Variants in PPP2R2C observed in about 807,000 individuals in gnomAD.
PPP2R2C encodes protein phosphatase 2, regulatory subunit B, gamma.
Under a neutral mutation model 45.3 loss-of-function variants are expected in PPP2R2C, and 10 were observed. The observed-to-expected ratio is 0.22, with a 90% confidence interval of 0.14 to 0.37. The LOEUF is 0.37. PPP2R2C is among the 10% of genes least tolerant of loss of function. The pLI, the probability that PPP2R2C is intolerant of heterozygous loss-of-function variation, is 1.00. For synonymous variants in PPP2R2C, 257 were observed against 245.4 expected (o/e 1.05, Z -0.44); for missense variants, 308 against 619.7 (o/e 0.50, Z 5.34).
At chr4:6,354,827 C>T (rs1017813789) in intron 5 of PPP2R2C, among the ~76,000 whole-genome samples, 1 of 152,242 alleles carries the variant, frequency 6.6e-6, no homozygotes, top group Middle Eastern at 3.4e-3. Context: ...CCACAGCCCC[C>T]CACAGCCAGG....
intron 1 of PPP2R2C, among the ~76,000 whole-genome samples, chr4:6,462,699 G>A (rs183072313): frequency 4.7e-4 from 72 of 152,148 alleles, no homozygotes; most frequent in African/African-American, 1.7e-3. Context: ...AAAGAATCAG[G>A]ATATGTTTTG....
intron 1 of PPP2R2C, among the ~76,000 whole-genome samples, chr4:6,395,204 G>T (rs1577143456): frequency 6.6e-6 from 1 of 152,110 alleles, no homozygotes; most frequent in Non-Finnish European, 1.5e-5. Flanking sequence ...GGTCCCATCT[G>T]CCTGGCTCAC....
Position 6,493,360 on chromosome 4 carries a change from G to A in PPP2R2C, c.49+41911C>T, listed in dbSNP as rs1283440851. The stretch of plus-strand genomic sequence containing the variant: ...ATGTCAGCTTCAGGGAGCTGGGGTG[G>A]GGGGCGTGTGGACATGGAGGAGAGT... On this transcript the variant is annotated intron_variant, in intron 2 of 9. Coordinates refer to the PPP2R2C transcript ENST00000506140. 2.0e-5 allele frequency among the ~76,000 whole-genome samples: 3 copies of A among 151,756 alleles called. No individual in the cohort carries two copies. In the East Asian group the frequency reaches 5.8e-4, roughly 29 times the overall value.
chr4:6,434,611 G>A (rs576684231), intron 1 of PPP2R2C, among the ~76,000 whole-genome samples: 5 of 152,018 alleles, frequency 3.3e-5, no homozygotes, highest in Middle Eastern at 3.4e-3. Flanking sequence ...TGCCAATCTC[G>A]GCCTCCCAAA....
At chr4:6,512,897 C>T (rs1055279495) in intron 2 of PPP2R2C, among the ~76,000 whole-genome samples, 3 of 151,954 alleles carry the variant, frequency 2.0e-5, no homozygotes, top group Non-Finnish European at 2.9e-5. Context: ...TATGATAAAA[C>T]CCAGTGAAAT....
intron 1 of PPP2R2C, 130 bp from the exon 2 acceptor site, chr4:6,381,224 G>A (rs1715767981): frequency 6.5e-7 from 1 of 1,539,522 alleles, no homozygotes; most frequent in Non-Finnish European, 8.7e-7. Flanking sequence ...GGAGGCAGCA[G>A]GGAGCCTGAG....
At chr4:6,538,308 CA>C (rs538265277) in intron 1 of PPP2R2C, among the ~76,000 whole-genome samples, 1 of 152,150 alleles carries the variant, frequency 6.6e-6, no homozygotes, top group Non-Finnish European at 1.5e-5. Flanking sequence ...TACCCCACCC[CA>C]CGGACGCTTC....
chr4:6,346,173 A>G (rs1331981411), intron 6 of PPP2R2C, among the ~76,000 whole-genome samples: 5 of 152,160 alleles, frequency 3.3e-5, no homozygotes, highest in African/African-American at 7.2e-5. Flanking sequence ...CAGACCCTGC[A>G]GCGACCTCTG....
intron 7 of PPP2R2C, among the ~76,000 whole-genome samples, chr4:6,333,194 T>C (rs922650129): frequency 6.6e-6 from 1 of 152,154 alleles, no homozygotes; most frequent in Non-Finnish European, 1.5e-5. Context: ...CCCTCTTTAA[T>C]GGTACAGCTC....
chr4:6,462,175 C>A (rs913746492), intron 1 of PPP2R2C, among the ~76,000 whole-genome samples: 1 of 152,350 alleles, frequency 6.6e-6, no homozygotes. Flanking sequence ...TCCAGACCCA[C>A]AGGGCAAATG....
chr4:6,443,912 C>T (rs1720288187), intron 1 of PPP2R2C, among the ~76,000 whole-genome samples: 1 of 152,192 alleles, frequency 6.6e-6, no homozygotes, highest in East Asian at 1.9e-4. Context: ...AGCTCCAACA[C>T]AGCAGCAGCC....
intron 1 of PPP2R2C, among the ~76,000 whole-genome samples, chr4:6,446,707 A>T (rs1247204525): frequency 1.3e-5 from 2 of 152,152 alleles, no homozygotes; most frequent in Non-Finnish European, 2.9e-5. Flanking sequence ...AAATACTGGT[A>T]CACCTGCTCA....
chr4:6,555,701 A>G (rs1725377292), intron 1 of PPP2R2C: 1 of 152,274 alleles, frequency 6.6e-6, no homozygotes, highest in Non-Finnish European at 1.5e-5. Flanking sequence ...GGCGACGGTG[A>G]CTGTGAATTA....
At chr4:6,521,469 C>G (rs1417086743) in intron 2 of PPP2R2C, among the ~76,000 whole-genome samples, 2 of 152,194 alleles carry the variant, frequency 1.3e-5, no homozygotes, top group African/African-American at 2.4e-5. Flanking sequence ...TCATTGAGCC[C>G]CCTCAAGGCC....
chr4:6,394,807 C>T (rs891359072), intron 1 of PPP2R2C, among the ~76,000 whole-genome samples: 1 of 152,230 alleles, frequency 6.6e-6, no homozygotes. Flanking sequence ...GGCAGGCGGG[C>T]GATGGGGGCC....
At chr4:6,490,251 T>C (rs958834288) in intron 2 of PPP2R2C, among the ~76,000 whole-genome samples, 5 of 152,170 alleles carry the variant, frequency 3.3e-5, no homozygotes, top group East Asian at 1.9e-4. Context: ...ATCTGGGACT[T>C]ATGTCCTCCA....
At chr4:6,423,069 G>A (rs1719079900) in intron 1 of PPP2R2C, among the ~76,000 whole-genome samples, 1 of 152,186 alleles carries the variant, frequency 6.6e-6, no homozygotes, top group Non-Finnish European at 1.5e-5. Context: ...CCCGATGGCT[G>A]TGCCCTACCT....
At chr4:6,486,049 G>A (rs551820714) in intron 2 of PPP2R2C, among the ~76,000 whole-genome samples, 1 of 152,006 alleles carries the variant, frequency 6.6e-6, no homozygotes, top group Admixed American at 6.5e-5. Context: ...CTCTAAGTAT[G>A]GTTTTAGCGA....
intron 1 of PPP2R2C, among the ~76,000 whole-genome samples, chr4:6,410,942 C>T (rs1718149889): frequency 6.6e-6 from 1 of 151,910 alleles, no homozygotes; most frequent in Non-Finnish European, 1.5e-5. Flanking sequence ...GATCTCTGCT[C>T]ACTGCAGCTT....
Sources: gnomAD v4.1 joint callset for allele counts (sites outside exome capture counted in the v4.1 genomes callset) on GRCh38, gnomAD v4.1.1 for gene constraint, MANE v1.5 for transcripts, NCBI Gene and HGNC (gene_info 2026-07-23, HGNC 2026-07-21) for gene names.